JAM3: variants seen among roughly 807,000 people sequenced by gnomAD.
JAM3 encodes junctional adhesion molecule C.
Under a neutral mutation model 39.4 loss-of-function variants are expected in JAM3, and 31 were observed. The observed-to-expected ratio is 0.79, with a 90% CI of 0.59 to 1.06. The LOEUF (loss-of-function observed/expected upper bound fraction) is 1.06. JAM3 is among the 50% of genes least tolerant of loss of function. The pLI is 0.00. For missense variants in JAM3, 455 were observed against 391.4 expected, an observed-to-expected ratio of 1.16 and a Z score of -1.37; for synonymous variants, 182 against 148.7, an observed-to-expected ratio of 1.22 and a Z score of -1.63.
intron 1 of JAM3, among the ~76,000 whole-genome samples, chr11:134,095,192 G>GA (rs1272548503): frequency 6.6e-6 from 1 of 152,188 alleles, no homozygotes; most frequent in Non-Finnish European, 1.5e-5. Flanking sequence ...CCCACTTACT[G>GA]AAAATAGGTT....
At chr11:134,136,068 C>CA (rs1394769256) in intron 1 of JAM3, among the ~76,000 whole-genome samples, 7 of 151,946 alleles carry the variant, frequency 4.6e-5, no homozygotes, top group East Asian at 3.9e-4. Context: ...GAAACTGTCT[C>CA]AAAAAACAAA....
At chr11:134,139,706 C>T (rs1942939521) in intron 1 of JAM3, 145 bp from the exon 2 acceptor site, 5 of 704,754 alleles carry the variant, frequency 7.1e-6, no homozygotes, top group South Asian at 6.1e-5. Context: ...CTTGGCTTAC[C>T]TAAGAGACTT....
At chr11:134,118,411 G>C (rs1224781288) in intron 1 of JAM3, among the ~76,000 whole-genome samples, 1 of 152,008 alleles carries the variant, frequency 6.6e-6, no homozygotes, top group Non-Finnish European at 1.5e-5. Flanking sequence ...CCCATGGTGA[G>C]TCAAGCCAAG....
chr11:134,123,229 A>G (rs1182624455), intron 1 of JAM3, among the ~76,000 whole-genome samples: 3 of 152,072 alleles, frequency 2.0e-5, no homozygotes, highest in East Asian at 1.9e-4. Context: ...TTGTTTGTTT[A>G]TTTATTTAAA....
Position 134,144,267 on chromosome 11 carries a change from C to A in JAM3, c.283C>A (p.Leu95Met), listed in dbSNP as rs758048688. Residue 95 changes from leucine (L) to methionine (M), a missense_variant, in exon 4 of 9, where the codon CTG becomes ATG. Transcript: ENST00000299106. ...AGACTTGGCGGGTCGTGCAGAAATA[C>A]TGGGGAAGACATCCCTGAAGATCTG... ...QGDLAGRAEI[L>M]GKTSLKIWNV... The A allele has an allele frequency of 6.2e-7, 1 of 1,614,158 alleles. No individual in the cohort carries two copies. Among genetic ancestry groups the A allele is most frequent in the East Asian group, 2.2e-5 (1 of 44,888 alleles).
At position 134,149,978 on chromosome 11, in the gene JAM3, T is replaced by C; in HGVS notation, c.*797T>C. The C allele has an allele frequency of 5.9e-6, 1 of 168,226 alleles. No individual in the cohort carries two copies. Among genetic ancestry groups the C allele is most frequent in the Non-Finnish European group, 1.3e-5 (1 of 77,728 alleles). 10.4% of individuals were successfully genotyped at this position (168,226 alleles called of 1,614,324 possible). ...TTGATTATTGAAAAGAAAATTTCTA[T>C]TTAAACTGTAAATATATTGTCATAC... On this transcript the variant is annotated 3_prime_UTR_variant, in exon 9 of 9. Coordinates refer to ENST00000299106, the MANE Select transcript of JAM3 (RefSeq NM_032801.5).
rs375430860 is a variant in JAM3, at chr11:134,144,884, C to A, written c.502C>A (p.Arg168=). ...CTGCCAGGAGAGTGAGGGCCACCCCCGGCCTCACTACAGCTGGTATCGCAA... is the reference window on the plus strand; with the variant it reads ...CTGCCAGGAGAGTGAGGGCCACCCCAGGCCTCACTACAGCTGGTATCGCAA... ...LHCQESEGHP[R]PHYSWYRNDV... Residue 168 remains arginine, a synonymous_variant, in exon 5 of 9, where the codon CGG becomes AGG. Coordinates refer to ENST00000299106, the MANE Select transcript of JAM3 (RefSeq NM_032801.5). 1 of 1,613,938 alleles carries A rather than the reference C, an allele frequency of 6.2e-7. No homozygotes were observed. The highest frequency in any genetic ancestry group is 8.5e-7 in the Non-Finnish European group (1 of 1,179,794).
chr11:134,124,854 C>T (rs906217647), intron 1 of JAM3, among the ~76,000 whole-genome samples: 4 of 152,390 alleles, frequency 2.6e-5, no homozygotes, highest in Admixed American at 6.5e-5. Context: ...TCTGCCCTCA[C>T]ACTCAGAATC....
In JAM3 at chr11:134,140,673, C is replaced by T. The variant is rs1454653223; in HGVS notation, c.159C>T (p.Cys53=). 1.9e-6 allele frequency: 3 copies of T among 1,613,256 alleles called. No individual in the cohort carries two copies. Among genetic ancestry groups the T allele is most frequent in the South Asian group, 2.2e-5 (2 of 91,052 alleles). Reference sequence around the variant, plus strand: ...GCGTGTTAGGTGTGGAACTGTCTTGCATCATTACGGATTCGCAGACAAGTG... The same window carrying T: ...GCGTGTTAGGTGTGGAACTGTCTTGTATCATTACGGATTCGCAGACAAGTG... ...VQEFESVELS[C]IITDSQTSDP... The change falls in exon 3 of 9, where the codon TGC becomes TGT. Residue 53 remains cysteine, a synonymous_variant. Coordinates refer to ENST00000299106, the MANE Select transcript of JAM3 (RefSeq NM_032801.5).
intron 1 of JAM3, among the ~76,000 whole-genome samples, chr11:134,110,093 A>G (rs1452960827): frequency 1.3e-5 from 2 of 152,184 alleles, no homozygotes; most frequent in Non-Finnish European, 2.9e-5. Flanking sequence ...TTGCACCTTA[A>G]TGCAAATTAA....
chr11:134,128,868 T>C (rs1298727739), intron 1 of JAM3, among the ~76,000 whole-genome samples: 2 of 152,244 alleles, frequency 1.3e-5, no homozygotes, highest in Non-Finnish European at 2.9e-5. Context: ...TATCTTTCTC[T>C]TGCTCTGTAT....
chr11:134,115,344 A>G (rs1403635046), intron 1 of JAM3, among the ~76,000 whole-genome samples: 7 of 152,068 alleles, frequency 4.6e-5, no homozygotes, highest in Non-Finnish European at 1.0e-4. Context: ...GGATGTTTAG[A>G]CTATTTACAT....
At chr11:134,076,195 C>A (rs1486231836) in intron 1 of JAM3, among the ~76,000 whole-genome samples, 1 of 117,234 alleles carries the variant, frequency 8.5e-6, no homozygotes, top group Non-Finnish European at 1.7e-5. Flanking sequence ...GCTGTTGTTG[C>A]CCAGGCTGGA....
intron 1 of JAM3, among the ~76,000 whole-genome samples, chr11:134,073,362 ATAGAGT>A (rs1158163924): frequency 6.6e-6 from 1 of 152,244 alleles, no homozygotes; most frequent in African/African-American, 2.4e-5. Context: ...AAACTATTTA[ATAGAGT>A]TAGGACTATA....
intron 1 of JAM3, among the ~76,000 whole-genome samples, chr11:134,074,540 A>G (rs1465636360): frequency 1.3e-5 from 2 of 152,154 alleles, no homozygotes; most frequent in African/African-American, 2.4e-5. Flanking sequence ...CATTTGAGAG[A>G]TTAGTTGCCA....
chr11:134,112,134 T>A (rs1401231830), intron 1 of JAM3, among the ~76,000 whole-genome samples: 1 of 152,242 alleles, frequency 6.6e-6, no homozygotes, highest in African/African-American at 2.4e-5. Flanking sequence ...TTGCCCAGTA[T>A]GGAGTGTGGT....
intron 1 of JAM3, among the ~76,000 whole-genome samples, chr11:134,078,362 C>A (rs1341008372): frequency 6.6e-6 from 1 of 152,152 alleles, no homozygotes; most frequent in Non-Finnish European, 1.5e-5. Context: ...TCAGGTGATC[C>A]ACCTGCCTTG....
chr11:134,118,840 A>G (rs1942484317), intron 1 of JAM3, among the ~76,000 whole-genome samples: 1 of 152,186 alleles, frequency 6.6e-6, no homozygotes, highest in Admixed American at 6.5e-5. Context: ...ATTGGAGATG[A>G]GAGCGGGGTT....
At chr11:134,105,903 C>T (rs1388451835) in intron 1 of JAM3, among the ~76,000 whole-genome samples, 3 of 152,134 alleles carry the variant, frequency 2.0e-5, no homozygotes, top group Non-Finnish European at 2.9e-5. Context: ...GAATCAATAT[C>T]GTGAAAATGG....
Sources: gnomAD v4.1 joint callset for allele counts (sites outside exome capture counted in the v4.1 genomes callset) on GRCh38, gnomAD v4.1.1 for gene constraint, MANE v1.5 for transcripts, NCBI Gene and HGNC (gene_info 2026-07-23, HGNC 2026-07-21) for gene names.